SLC37A1: variants seen among roughly 807,000 people sequenced by gnomAD.
SLC37A1 encodes the protein solute carrier family 37 member 1.
In SLC37A1, 49 loss-of-function variants were observed where a neutral mutation model predicts 75.3. That is an observed-to-expected ratio of 0.65 (90% CI 0.52 to 0.83). The LOEUF is 0.83. Ranked by LOEUF, SLC37A1 falls within the 40% of genes least tolerant of loss-of-function variation. The pLI is 0.00. For synonymous variants in SLC37A1, 268 were observed against 292.1 expected (o/e 0.92, Z 0.84); for missense variants, 566 against 695.0 (o/e 0.81, Z 2.09).
intron 5 of SLC37A1, among the ~76,000 whole-genome samples, chr21:42,537,184 G>C (rs2055163422): frequency 6.6e-6 from 1 of 152,170 alleles, no homozygotes. Flanking sequence ...TATTGAACGT[G>C]TGTATTTGCC....
intron 1 of SLC37A1, among the ~76,000 whole-genome samples, chr21:42,500,714 C>T (rs569603718): frequency 6.6e-6 from 1 of 152,226 alleles, no homozygotes; most frequent in African/African-American, 2.4e-5. Flanking sequence ...CTGTGACGAA[C>T]AGATTAGTTT....
intron 17 of SLC37A1, among the ~76,000 whole-genome samples, chr21:42,570,426 C>T (rs2056128468): frequency 6.6e-6 from 1 of 152,254 alleles, no homozygotes; most frequent in African/African-American, 2.4e-5. Context: ...CTTCCTTTCA[C>T]TGGATCCAGA....
chr21:42,505,663 C>T (rs903782848), intron 2 of SLC37A1, among the ~76,000 whole-genome samples: 1 of 152,230 alleles, frequency 6.6e-6, no homozygotes, highest in African/African-American at 2.4e-5. Flanking sequence ...AGCAGAGACA[C>T]AGCCAAGGCT....
At chr21:42,561,833 AC>A in intron 11 of SLC37A1, 1 of 462,950 alleles carries the variant, frequency 2.2e-6, no homozygotes, top group African/African-American at 1.9e-5. Flanking sequence ...CTGGGGCCCC[AC>A]CCTTCTCAGA....
intron 1 of SLC37A1, among the ~76,000 whole-genome samples, chr21:42,517,306 T>C (rs1031656404): frequency 3.9e-5 from 6 of 152,080 alleles, no homozygotes; most frequent in African/African-American, 1.4e-4. Context: ...GGGTCAGCCT[T>C]GGAAGGAGGA....
chr21:42,538,706 G>A (rs2055201517), intron 5 of SLC37A1, among the ~76,000 whole-genome samples: 1 of 152,202 alleles, frequency 6.6e-6, no homozygotes, highest in Admixed American at 6.5e-5. Context: ...GATGGCATTA[G>A]GTATTGTGCT....
chr21:42,539,401 T>C (rs1329225462), intron 5 of SLC37A1, 111 bp from the exon 6 acceptor site: 2 of 1,261,982 alleles, frequency 1.6e-6, no homozygotes, highest in African/African-American at 3.1e-5. Flanking sequence ...GCTTGAGAGT[T>C]CCCCAAGCTC....
At chr21:42,568,224 G>A in intron 16 of SLC37A1, 136 bp from the exon 17 acceptor site, 2 of 697,166 alleles carry the variant, frequency 2.9e-6, no homozygotes, top group East Asian at 2.7e-5. Flanking sequence ...CAAGCTTGGG[G>A]TGGAGTTTAA....
chr21:42,534,846 G>C lies in SLC37A1; in HGVS notation c.271+16G>C. On this transcript the variant is annotated intron_variant, in intron 4 of 19. Coordinates refer to ENST00000352133, the MANE Select transcript of SLC37A1 (RefSeq NM_001320537.2). ...GCACCGTTTGGTAAGTCGATTATCG[G>C]TCCGTCCAGGAGCCGAAGCGGCTGT... is the stretch of plus-strand genomic sequence containing the variant. 6.2e-7 allele frequency: 1 copy of C among 1,612,462 alleles called. No homozygotes were observed. Among genetic ancestry groups the C allele is most frequent in the Non-Finnish European group, 8.5e-7 (1 of 1,179,156 alleles).
rs529906797 is a variant in SLC37A1, at chr21:42,540,402, G to A, written c.486+755G>A. Among the ~76,000 whole-genome samples the A allele has an allele frequency of 2.0e-5, 3 of 152,302 alleles. No homozygotes were observed. The South Asian group carries it at 6.2e-4, about 32-fold the overall frequency. On this transcript the variant is annotated intron_variant, in intron 6 of 19. Transcript: ENST00000352133. ...AGCCTACAAAGGAAAACCTGCAGCTGGTTGGGTCACAGTGAGAGGAAAAAG... is the reference window on the plus strand; with the variant it reads ...AGCCTACAAAGGAAAACCTGCAGCTAGTTGGGTCACAGTGAGAGGAAAAAG...
intron 11 of SLC37A1, among the ~76,000 whole-genome samples, chr21:42,560,039 G>A (rs2055790030): frequency 6.6e-6 from 1 of 152,156 alleles, no homozygotes. Context: ...GACCGGGCTG[G>A]TCCTCGGTGG....
chr21:42,506,949 C>A (rs1343140495), intron 2 of SLC37A1, among the ~76,000 whole-genome samples: 2 of 152,176 alleles, frequency 1.3e-5, no homozygotes, highest in African/African-American at 4.8e-5. Flanking sequence ...GTGGTGCGAT[C>A]TCAGCTCACT....
At chr21:42,502,687 A>C (rs1489780223) in intron 2 of SLC37A1, 2 of 152,172 alleles carry the variant, frequency 1.3e-5, no homozygotes, top group Non-Finnish European at 2.9e-5. Context: ...ATATCTTACC[A>C]GATGTAACCT....
Position 42,564,806 on chromosome 21 carries a change from G to T in SLC37A1, c.1221+13G>T. On this transcript the variant is annotated intron_variant, in intron 14 of 19. Coordinates refer to ENST00000352133, the MANE Select transcript of SLC37A1 (RefSeq NM_001320537.2). ...CGCGGCCCCCACGGTCAGCCGTGCT[G>T]CCTTCCCTGGGCCCCAAAGCCTGCA... 6.2e-7 allele frequency: 1 copy of T among 1,601,558 alleles called. No individual in the cohort carries two copies. Among genetic ancestry groups the T allele is most frequent in the Non-Finnish European group, 8.5e-7 (1 of 1,179,326 alleles).
Position 42,547,344 on chromosome 21 carries a change from G to A in SLC37A1, c.768+204G>A. ...AACCTTATCAGCAAAACCCAGACAA[G>A]AGGTTCAATGCTGTCCAGATGAAGG... On this transcript the variant is annotated intron_variant, in intron 9 of 19. Coordinates refer to ENST00000352133, the MANE Select transcript of SLC37A1 (RefSeq NM_001320537.2). The surrounding 1 kb of genome is among the most constrained non-coding windows in gnomAD (Gnocchi z 6.1). 1.7e-6 allele frequency: 1 copy of A among 588,014 alleles called. No homozygotes were observed. Among genetic ancestry groups the A allele is most frequent in the Non-Finnish European group, 3.0e-6 (1 of 329,494 alleles). 36.4% of individuals were successfully genotyped at this position (588,014 alleles called of 1,614,324 possible). A position where few individuals can be genotyped will look rare whatever the true frequency, so the allele number is the denominator to read the frequency against.
At chr21:42,574,269 A>G (rs776720311) in intron 17 of SLC37A1, among the ~76,000 whole-genome samples, 3 of 152,258 alleles carry the variant, frequency 2.0e-5, no homozygotes, top group Non-Finnish European at 2.9e-5. Flanking sequence ...TAGCATAAGA[A>G]TATCTAAGAT....
chr21:42,574,705 T>C, intron 17 of SLC37A1, 113 bp from the exon 18 acceptor site: 1 of 956,274 alleles, frequency 1.0e-6, no homozygotes, highest in Non-Finnish European at 1.6e-6. Flanking sequence ...TGTAGTTCCA[T>C]ATGTGTTCCT....
intron 18 of SLC37A1, among the ~76,000 whole-genome samples, chr21:42,576,590 A>G (rs756476911): frequency 6.6e-6 from 1 of 152,238 alleles, no homozygotes; most frequent in African/African-American, 2.4e-5. Context: ...CTGCAGATAA[A>G]AGAGTTATGT....
At chr21:42,510,574 G>A (rs1404881954), upstream of SLC37A1, among the ~76,000 whole-genome samples, 1 of 151,900 alleles carries the variant, frequency 6.6e-6, no homozygotes, top group Non-Finnish European at 1.5e-5. Context: ...AAAGATAGAA[G>A]TGGCTGAATG....
Sources: allele counts gnomAD v4.1 joint callset (sites outside exome capture counted in the v4.1 genomes callset), GRCh38; gene constraint gnomAD v4.1.1; non-coding constraint Gnocchi (gnomAD v3.1); transcripts MANE v1.5; gene names NCBI Gene and HGNC (gene_info 2026-07-23, HGNC 2026-07-21).